SOX6: variants seen among roughly 807,000 people sequenced by gnomAD.
SOX6 encodes transcription factor SOX-6.
Under a neutral mutation model 97.8 loss-of-function variants are expected in SOX6, and 11 were observed. The ratio of observed to expected loss-of-function variants is 0.11; its 90% CI spans 0.07 to 0.19. The LOEUF (loss-of-function observed/expected upper bound fraction) is 0.19, where lower values mean the gene tolerates loss of function less well. SOX6 is among the 10% of genes least tolerant of loss of function. The pLI is 1.00. For synonymous variants in SOX6, 360 were observed against 371.4 expected (o/e 0.97, Z 0.35); for missense variants, 810 against 1,039.5 (o/e 0.78, Z 3.04).
At chr11:16,163,356 A>T (rs1850803488) in intron 6 of SOX6, among the ~76,000 whole-genome samples, 1 of 152,200 alleles carries the variant, frequency 6.6e-6, no homozygotes, top group South Asian at 2.1e-4. Context: ...ACAGTTTAAG[A>T]TCCTATAGAT....
chr11:16,249,782 G>T (rs1590063253), intron 3 of SOX6, among the ~76,000 whole-genome samples: 2 of 152,192 alleles, frequency 1.3e-5, no homozygotes, highest in Middle Eastern at 3.4e-3. Flanking sequence ...CTCATATACT[G>T]CAGTCTAGTG....
chr11:16,630,471 AT>A (rs541856987), intron 3 of SOX6, among the ~76,000 whole-genome samples: 1 of 151,558 alleles, frequency 6.6e-6, no homozygotes, highest in African/African-American at 2.4e-5. Flanking sequence ...TATAATTTTG[AT>A]TTTTTTTAAT....
chr11:16,350,686 C>A (rs539962694), intron 1 of SOX6, among the ~76,000 whole-genome samples: 1 of 152,044 alleles, frequency 6.6e-6, no homozygotes, highest in Admixed American at 6.6e-5. Flanking sequence ...TCTTTCAGAC[C>A]CTGGGAGATA....
At chr11:16,399,321 G>A (rs1486161442) in intron 1 of SOX6, among the ~76,000 whole-genome samples, 2 of 150,540 alleles carry the variant, frequency 1.3e-5, no homozygotes, top group African/African-American at 4.9e-5. Flanking sequence ...ACTTAAAGCA[G>A]TAATATTTTT....
At chr11:16,328,988 T>C (rs1358488349) in intron 2 of SOX6, among the ~76,000 whole-genome samples, 1 of 152,166 alleles carries the variant, frequency 6.6e-6, no homozygotes, top group Admixed American at 6.6e-5. Context: ...TGAATGATAG[T>C]GAAAGTGTAT....
At chr11:16,081,891 T>C (rs1469160980) in intron 9 of SOX6, among the ~76,000 whole-genome samples, 1 of 152,202 alleles carries the variant, frequency 6.6e-6, no homozygotes, top group Admixed American at 6.5e-5. Context: ...GGAAATTTTA[T>C]CGTTTCCACA....
intron 4 of SOX6, among the ~76,000 whole-genome samples, chr11:16,219,237 A>G (rs1204381064): frequency 1.3e-5 from 2 of 152,026 alleles, no homozygotes; most frequent in Non-Finnish European, 2.9e-5. Context: ...CTAAATTTTG[A>G]GCTCAGTTGT....
At chr11:16,380,274 C>A (rs1018041752) in intron 1 of SOX6, among the ~76,000 whole-genome samples, 3 of 151,896 alleles carry the variant, frequency 2.0e-5, no homozygotes, top group Non-Finnish European at 2.9e-5. Flanking sequence ...GAGTAGCTTG[C>A]AAAACAGCAT....
At chr11:16,410,019 G>C (rs1028309376) in intron 1 of SOX6, among the ~76,000 whole-genome samples, 4 of 152,140 alleles carry the variant, frequency 2.6e-5, no homozygotes, top group African/African-American at 9.7e-5. Context: ...TGGGGATGGG[G>C]AGGAATAGGG....
At chr11:16,443,367 T>A (rs1006062284) in intron 1 of SOX6, among the ~76,000 whole-genome samples, 2 of 152,120 alleles carry the variant, frequency 1.3e-5, no homozygotes, top group African/African-American at 2.4e-5. Flanking sequence ...CATTTCAGGC[T>A]CTCCATAAAT....
chr11:16,714,694 C>G (rs1343989277), intron 3 of SOX6: 3 of 152,240 alleles, frequency 2.0e-5, no homozygotes, highest in African/African-American at 7.2e-5. Flanking sequence ...TTGTGATCCG[C>G]CCGCCTCGGC....
chr11:16,365,228 T>A (rs1226845499), intron 1 of SOX6, among the ~76,000 whole-genome samples: 1 of 152,012 alleles, frequency 6.6e-6, no homozygotes, highest in African/African-American at 2.4e-5. Context: ...CTATCTGTGG[T>A]TTCAGTCATC....
At chr11:16,349,581 A>G (rs1013730940) in intron 1 of SOX6, among the ~76,000 whole-genome samples, 4 of 151,478 alleles carry the variant, frequency 2.6e-5, no homozygotes, top group Non-Finnish European at 4.4e-5. Context: ...GTGCCATTGC[A>G]CTCTAGCCTG....
At chr11:16,682,626 A>G (rs976173165) in intron 3 of SOX6, among the ~76,000 whole-genome samples, 2 of 152,198 alleles carry the variant, frequency 1.3e-5, no homozygotes, top group African/African-American at 4.8e-5. Context: ...CCCACAGCCA[A>G]CATCATACTG....
intron 6 of SOX6, among the ~76,000 whole-genome samples, chr11:16,158,970 A>T (rs2134067154): frequency 6.6e-6 from 1 of 151,996 alleles, no homozygotes; most frequent in Admixed American, 6.6e-5. Context: ...TCACATGCCA[A>T]ATAGATAGCA....
rs117188914 is a variant in SOX6, at chr11:16,081,892, C to T, written c.1101+14104G>A. Among the ~76,000 whole-genome samples the T allele has an allele frequency of 6.0e-3, 915 of 152,230 alleles. 8 individuals are homozygous for T. Among genetic ancestry groups the T allele is most frequent in the Non-Finnish European group, 9.1e-3 (616 of 68,010 alleles). On this transcript the variant is annotated intron_variant, in intron 9 of 15. Transcript: ENST00000683767. ...ATATGTCTCTTAAAGGAAATTTTAT[C>T]GTTTCCACATTATCGGCATACAAAA...
chr11:16,167,851 G>A (rs1321680272), intron 6 of SOX6, among the ~76,000 whole-genome samples: 2 of 152,088 alleles, frequency 1.3e-5, no homozygotes, highest in East Asian at 3.9e-4. Flanking sequence ...CTCCATAGCA[G>A]TTCTTGTAGT....
At chr11:16,558,740 A>G (rs544521197) in intron 4 of SOX6, among the ~76,000 whole-genome samples, 3 of 152,138 alleles carry the variant, frequency 2.0e-5, no homozygotes. Flanking sequence ...AACCCTTATG[A>G]GCAAACTCAC....
intron 3 of SOX6, among the ~76,000 whole-genome samples, chr11:16,278,889 T>C (rs1010612689): frequency 6.6e-6 from 1 of 152,112 alleles, no homozygotes; most frequent in African/African-American, 2.4e-5. Context: ...AACCATCCAG[T>C]TGATCAAGCC....
Sources: allele counts gnomAD v4.1 joint callset (sites outside exome capture counted in the v4.1 genomes callset), GRCh38; gene constraint gnomAD v4.1.1; transcripts MANE v1.5; gene names NCBI Gene and HGNC (gene_info 2026-07-23, HGNC 2026-07-21).